The following CDH12 variants were observed in gnomAD, a reference collection of about 807,000 sequenced individuals.
CDH12 encodes the protein cadherin-12.
A neutral mutation model predicts 74.1 loss-of-function variants in CDH12; 41 were observed. That is an observed-to-expected ratio of 0.55 (90% confidence interval 0.43 to 0.72). The LOEUF (loss-of-function observed/expected upper bound fraction) is 0.72. Among genes scored for constraint, CDH12 ranks in the 30% least tolerant of loss-of-function variants. The pLI is 0.00. For missense variants in CDH12, 945 were observed against 977.2 expected (o/e 0.97, Z 0.44); for synonymous variants, 399 against 355.0 (o/e 1.12, Z -1.39).
intron 1 of CDH12, among the ~76,000 whole-genome samples, chr5:22,752,478 A>G (rs73068154): frequency 1.4e-5 from 2 of 146,770 alleles, no homozygotes; most frequent in Non-Finnish European, 3.0e-5. Flanking sequence ...TCATTTCTCA[A>G]ACTATGTGCC....
chr5:22,377,179 G>A (rs1741565282), intron 3 of CDH12, among the ~76,000 whole-genome samples: 1 of 152,134 alleles, frequency 6.6e-6, no homozygotes, highest in Non-Finnish European at 1.5e-5. Flanking sequence ...ACCAATGACA[G>A]ATTCTTCAGA....
rs190386631 is a variant in CDH12 at position 22,377,929 on chromosome 5, A to T, written c.-333+27328T>A. Among the ~76,000 whole-genome samples, 51 of 152,310 alleles carry T rather than the reference A, an allele frequency of 3.3e-4. No homozygotes were observed. The East Asian group carries it at 8.1e-3, about 24-fold the overall frequency. On this transcript the variant is annotated intron_variant, in intron 3 of 14. Transcript: ENST00000382254. ...TGCTAATATACTAAAATGTAACAGA[A>T]ATTTTGTGAAAGTTAATTTATAAAG...
intron 1 of CDH12, among the ~76,000 whole-genome samples, chr5:22,677,088 T>C (rs1455690792): frequency 2.0e-5 from 3 of 152,186 alleles, no homozygotes; most frequent in African/African-American, 7.2e-5. Context: ...TGAGTGCTGC[T>C]GGCTGATACA....
At chr5:22,432,851 G>C (rs1744230425) in intron 2 of CDH12, among the ~76,000 whole-genome samples, 1 of 152,010 alleles carries the variant, frequency 6.6e-6, no homozygotes, top group Non-Finnish European at 1.5e-5. Context: ...AACCTGTGTG[G>C]GAGCTTAGAA....
chr5:22,792,877 A>T (rs1232469553), intron 1 of CDH12, among the ~76,000 whole-genome samples: 3 of 152,194 alleles, frequency 2.0e-5, no homozygotes, highest in African/African-American at 7.2e-5. Context: ...GATTTTATAT[A>T]TTTATTTAGA....
chr5:22,772,950 A>G (rs1429913582), intron 1 of CDH12, among the ~76,000 whole-genome samples: 1 of 152,140 alleles, frequency 6.6e-6, no homozygotes, highest in African/African-American at 2.4e-5. Flanking sequence ...CGAACCAAGG[A>G]GGTGAAAGAT....
intron 11 of CDH12, among the ~76,000 whole-genome samples, chr5:21,767,046 T>C (rs1177850773): frequency 1.3e-5 from 2 of 151,930 alleles, no homozygotes; most frequent in Non-Finnish European, 3.0e-5. Context: ...TTGACAATTA[T>C]ATAGGTACTT....
rs1554032478 is a variant in CDH12, at chr5:21,804,643, A to AAAAAATACACACACAC, written c.1003-2224_1003-2223insGTGTGTGTGTATTTTT. The stretch of plus-strand genomic sequence containing the variant: ...ATAAAATCATTCTATAGTGAATTAA[A>AAAAAATACACACACAC]ACACACACACACACACACACACACA... On this transcript the variant is annotated intron_variant, in intron 9 of 14. Transcript: ENST00000382254. Among the ~76,000 whole-genome samples, 57 of 115,366 alleles carry AAAAAATACACACACAC rather than the reference A, an allele frequency of 4.9e-4. 1 individual carries two copies. The highest frequency in any genetic ancestry group is 7.1e-4 in the East Asian group (3 of 4,214). The allele number at this position is 115,366 out of a possible 152,430, so 75.7% of individuals were successfully genotyped here.
At chr5:22,283,418 C>A (rs921154460) in intron 3 of CDH12, among the ~76,000 whole-genome samples, 9 of 151,198 alleles carry the variant, frequency 6.0e-5, no homozygotes, top group Non-Finnish European at 1.2e-4. Flanking sequence ...ATGTGCCACA[C>A]AAATAAATAC....
chr5:22,650,852 A>G (rs529720577), intron 1 of CDH12, among the ~76,000 whole-genome samples: 3 of 152,020 alleles, frequency 2.0e-5, no homozygotes, highest in Non-Finnish European at 4.4e-5. Flanking sequence ...CAGAACTAGC[A>G]TTTTGACATT....
At chr5:22,126,077 A>T (rs1011886354) in intron 4 of CDH12, among the ~76,000 whole-genome samples, 1 of 151,896 alleles carries the variant, frequency 6.6e-6, no homozygotes, top group African/African-American at 2.4e-5. Flanking sequence ...TTTGTGTAAA[A>T]CATACCAATG....
Position 21,944,542 on chromosome 5 carries a change from T to A in CDH12, c.526+30549A>T, listed in dbSNP as rs569186424. Reference sequence around the variant, plus strand: ...GTGTTGCCATGTAAAATTTAATAATTAATATAATGTCTCATATATTCTGTG... The same window carrying A: ...GTGTTGCCATGTAAAATTTAATAATAAATATAATGTCTCATATATTCTGTG... On this transcript the variant is annotated intron_variant, in intron 6 of 14. Transcript: ENST00000382254. Among the ~76,000 whole-genome samples, 1,151 of 152,312 alleles carry A rather than the reference T, an allele frequency of 7.6e-3. 14 individuals carry two copies. Among genetic ancestry groups the A allele is most frequent in the African/African-American group, 0.026 (1,094 of 41,548 alleles).
intron 1 of CDH12, among the ~76,000 whole-genome samples, chr5:22,524,139 T>C (rs1318162541): frequency 2.6e-5 from 4 of 151,850 alleles, no homozygotes; most frequent in Non-Finnish European, 5.9e-5. Flanking sequence ...CACGCCACCA[T>C]ATCTGGCTAA....
At chr5:21,962,223 A>G (rs1358599474) in intron 6 of CDH12, among the ~76,000 whole-genome samples, 2 of 151,898 alleles carry the variant, frequency 1.3e-5, no homozygotes, top group Non-Finnish European at 2.9e-5. Flanking sequence ...TCATTTGTGT[A>G]TAGGTTTGAT....
rs1554038079 is a variant in CDH12, at chr5:22,402,949, CAT to C, written c.-333+2306_-333+2307del. On this transcript the variant is annotated intron_variant, in intron 3 of 14. Transcript: ENST00000382254. ...GGCAGCTTGGATTGAAAGAAAAAGA[CAT>C]GTGATGGAAAGAAGGAAGATGAACA... Among the ~76,000 whole-genome samples the C allele has an allele frequency of 3.9e-5, 6 of 152,006 alleles. No individual in the cohort carries two copies. In the South Asian group the frequency reaches 6.2e-4, roughly 16 times the overall value.
chr5:22,545,926 TTTGTTGTTGTTG>T (rs57476797), intron 1 of CDH12, among the ~76,000 whole-genome samples: 1 of 151,216 alleles, frequency 6.6e-6, no homozygotes, highest in African/African-American at 2.4e-5. Context: ...TGTCTAGATT[TTTGTTGTTGTTG>T]TTGTTGTTGT....
intron 4 of CDH12, among the ~76,000 whole-genome samples, chr5:22,195,887 C>G (rs1750588537): frequency 6.6e-6 from 1 of 152,078 alleles, no homozygotes; most frequent in Admixed American, 6.6e-5. Flanking sequence ...TCTCCTCCCT[C>G]TCTTTCTTTC....
intron 1 of CDH12, among the ~76,000 whole-genome samples, chr5:22,507,111 T>C (rs1001913398): frequency 6.6e-6 from 1 of 152,058 alleles, no homozygotes; most frequent in East Asian, 1.9e-4. Context: ...TTCATTACGC[T>C]TGAAAAAGAA....
At chr5:22,848,251 A>T (rs960237002) in intron 1 of CDH12, among the ~76,000 whole-genome samples, 5 of 152,184 alleles carry the variant, frequency 3.3e-5, no homozygotes, top group Non-Finnish European at 7.4e-5. Context: ...AATTCCAGGA[A>T]TATCCATGTC....
Sources: allele counts gnomAD v4.1 joint callset (sites outside exome capture counted in the v4.1 genomes callset), GRCh38; gene constraint gnomAD v4.1.1; transcripts MANE v1.5; gene names NCBI Gene and HGNC (gene_info 2026-07-23, HGNC 2026-07-21).